ZNF451: variants seen among roughly 807,000 people sequenced by gnomAD.
ZNF451 encodes E3 SUMO-protein ligase ZNF451.
ZNF451 carries 80 observed loss-of-function variants against 107.1 expected under a neutral mutation model. That is an observed-to-expected ratio of 0.75 (90% CI 0.62 to 0.90). The LOEUF (loss-of-function observed/expected upper bound fraction) is 0.90, where lower values mean the gene tolerates loss of function less well. Among genes scored for constraint, ZNF451 ranks in the 40% least tolerant of loss-of-function variants. ZNF451 has a pLI of 0.00. For synonymous variants in ZNF451, 362 were observed against 406.5 expected, an observed-to-expected ratio of 0.89 and a Z score of 1.32; for missense variants, 1,107 against 1,236.2, an observed-to-expected ratio of 0.90 and a Z score of 1.57.
chr6:57,167,319 T>C (rs1308713642), intron 14 of ZNF451, among the ~76,000 whole-genome samples: 2 of 152,316 alleles, frequency 1.3e-5, no homozygotes, highest in South Asian at 2.1e-4. Flanking sequence ...TTCTGAGCTG[T>C]CTATGCTGTT....
chr6:57,161,679 A>T (rs2127987998), intron 14 of ZNF451, among the ~76,000 whole-genome samples: 1 of 152,206 alleles, frequency 6.6e-6, no homozygotes, highest in East Asian at 1.9e-4. Flanking sequence ...AATAAATTTT[A>T]AAAGGGTTTT....
At chr6:57,099,542 G>A (rs1225731195) in intron 3 of ZNF451, 1 of 716,270 alleles carries the variant, frequency 1.4e-6, no homozygotes, top group East Asian at 2.7e-5. Flanking sequence ...TTAGAAAAAA[G>A]GATATGTAGA....
At chr6:57,098,627 T>G (rs1157651366) in intron 2 of ZNF451, among the ~76,000 whole-genome samples, 3 of 152,212 alleles carry the variant, frequency 2.0e-5, no homozygotes, top group Non-Finnish European at 4.4e-5. Context: ...AAAGAAAGAA[T>G]GGAAAAGAAT....
intron 5 of ZNF451, among the ~76,000 whole-genome samples, chr6:57,132,290 C>A (rs772373630): frequency 6.6e-6 from 1 of 152,240 alleles, no homozygotes; most frequent in Non-Finnish European, 1.5e-5. Context: ...ATCCTCCTTG[C>A]TTCCCTGCTT....
At chr6:57,094,122 C>T (rs890356888) in intron 2 of ZNF451, among the ~76,000 whole-genome samples, 2 of 152,092 alleles carry the variant, frequency 1.3e-5, no homozygotes, top group African/African-American at 4.8e-5. Flanking sequence ...GGTGTTTTGG[C>T]TTAGAGAATC....
intron 3 of ZNF451, among the ~76,000 whole-genome samples, chr6:57,111,274 T>C (rs1317963249): frequency 2.0e-5 from 3 of 151,752 alleles, no homozygotes; most frequent in East Asian, 1.9e-4. Flanking sequence ...TTTTTTTTTT[T>C]CCTTCTGTGC....
At chr6:57,105,850 A>G (rs1829828011) in intron 3 of ZNF451, 2 of 984,816 alleles carry the variant, frequency 2.0e-6, no homozygotes, top group Admixed American at 1.2e-4. Flanking sequence ...TTTTTAAAAG[A>G]ATGAATGACA....
intron 3 of ZNF451, chr6:57,106,184 A>C (rs1202842163): frequency 6.1e-6 from 6 of 985,248 alleles, no homozygotes; most frequent in Non-Finnish European, 7.2e-6. Context: ...TTGGATACTG[A>C]TGTGGATGGA....
chr6:57,159,525 GTTTT>G (rs369246650), intron 13 of ZNF451: 17 of 135,512 alleles, frequency 1.3e-4, no homozygotes, highest in Non-Finnish European at 1.9e-4. Context: ...CATTATAAGA[GTTTT>G]TTTTTTTTTT....
intron 3 of ZNF451, chr6:57,103,052 T>G (rs1829682476): frequency 2.0e-6 from 2 of 985,330 alleles, no homozygotes; most frequent in Admixed American, 1.2e-4. Flanking sequence ...AGCTTGATAG[T>G]GCATCACACT....
Position 57,168,434 on chromosome 6 carries a change from G to T in ZNF451, c.3151G>T (p.Glu1051Ter). 1 of 1,607,658 alleles carries T rather than the reference G, an allele frequency of 6.2e-7. No homozygotes were observed. The highest frequency in any genetic ancestry group is 8.5e-7 in the Non-Finnish European group (1 of 1,176,484). ...GTTTTTTAATGCAGATGTGGAATTA[G>T]AAGAAGCTATTAGAAGAAGTCTTGA... The part of the protein sequence containing the change: ...EFISTEDVEL[E>*]EAIRRSLEEM The change falls in exon 15 of 15, where the codon GAA becomes TAA. Residue 1051 changes from glutamate to a stop codon, truncating the protein, a stop_gained. Transcript: ENST00000370706. LOFTEE classifies it high-confidence loss of function.
chr6:57,129,549 T>C (rs1034747327), intron 5 of ZNF451, among the ~76,000 whole-genome samples: 3 of 152,226 alleles, frequency 2.0e-5, no homozygotes, highest in African/African-American at 7.2e-5. Flanking sequence ...GAAATATCTA[T>C]GCATGCAATG....
chr6:57,166,301 T>TCC (rs1456535163), intron 14 of ZNF451, among the ~76,000 whole-genome samples: 1 of 152,238 alleles, frequency 6.6e-6, no homozygotes, highest in African/African-American at 2.4e-5. Flanking sequence ...GTACTCGGAT[T>TCC]AAGACATGAG....
intron 12 of ZNF451, among the ~76,000 whole-genome samples, 185 bp from the exon 13 acceptor site, chr6:57,153,676 G>A (rs1832453792): frequency 1.3e-5 from 2 of 152,154 alleles, no homozygotes; most frequent in African/African-American, 2.4e-5. Flanking sequence ...GCCTCCCAAA[G>A]TGTTGGGATT....
At chr6:57,138,741 A>ATATGTGTGTGTG (rs1365084616) in intron 7 of ZNF451, among the ~76,000 whole-genome samples, 1 of 46,588 alleles carries the variant, frequency 2.1e-5, no homozygotes, top group African/African-American at 9.2e-5. Flanking sequence ...ATATATATAT[A>ATATGTGTGTGTG]TGTGTGTGTG....
At chr6:57,102,206 G>C in intron 3 of ZNF451, 1 of 1,423,404 alleles carries the variant, frequency 7.0e-7, no homozygotes, top group Non-Finnish European at 9.1e-7. Context: ...AAAACTGGAT[G>C]CATGTCTGGA....
intron 3 of ZNF451, among the ~76,000 whole-genome samples, chr6:57,120,689 T>A (rs562192742): frequency 9.9e-5 from 15 of 152,254 alleles, no homozygotes; most frequent in Non-Finnish European, 1.9e-4. Context: ...CTGTATATCT[T>A]CTTTGGTGAG....
chr6:57,168,670 C>CAGT lies in ZNF451; in HGVS notation c.*202_*203insGTA. Reference sequence around the variant, plus strand: ...AAACATGTACAGAAGAAATAGAATACATGTTCATGCAAATATAAATTATGT... The same window carrying CAGT: ...AAACATGTACAGAAGAAATAGAATACAGTATGTTCATGCAAATATAAATTATGT... On this transcript the variant is annotated 3_prime_UTR_variant, in exon 15 of 15. Transcript: ENST00000370706. 1 of 513,596 alleles carries CAGT rather than the reference C, an allele frequency of 1.9e-6. No individual in the cohort carries two copies. The highest frequency in any genetic ancestry group is 3.8e-4 in the Middle Eastern group (1 of 2,644). The allele number at this position is 513,596 out of a possible 1,614,324, so 31.8% of individuals were successfully genotyped here. A position where few individuals can be genotyped will look rare whatever the true frequency, so the allele number is the denominator to read the frequency against.
intron 14 of ZNF451, among the ~76,000 whole-genome samples, chr6:57,163,427 A>ATG (rs1309437204): frequency 1.5e-5 from 2 of 129,644 alleles, no homozygotes; most frequent in African/African-American, 5.7e-5. Context: ...TGCTTGTTAA[A>ATG]TGAATAAACT....
Sources: allele counts gnomAD v4.1 joint callset (sites outside exome capture counted in the v4.1 genomes callset), GRCh38; gene constraint gnomAD v4.1.1; transcripts MANE v1.5; gene names NCBI Gene and HGNC (gene_info 2026-07-23, HGNC 2026-07-21).